KIAA0930: variants seen among roughly 807,000 people sequenced by gnomAD.
KIAA0930 encodes the protein KIAA0930, also known as uncharacterized protein KIAA0930.
Under a neutral mutation model 43.9 loss-of-function variants are expected in KIAA0930, and 24 were observed. The observed-to-expected ratio is 0.55, with a 90% CI of 0.40 to 0.77. The LOEUF (loss-of-function observed/expected upper bound fraction) is 0.77. Among genes scored for constraint, KIAA0930 ranks in the 30% least tolerant of loss-of-function variants. KIAA0930 has a pLI of 0.00. For missense variants in KIAA0930, 461 were observed against 574.2 expected (o/e 0.80, Z 2.02); for synonymous variants, 259 against 216.4 (o/e 1.20, Z -1.73).
Position 45,199,875 on chromosome 22 carries a change from C to G in KIAA0930, c.1013G>C (p.Gly338Ala). ...TAGGGCACGGAGTGGGGGGTCACCT[C>G]CACCGTCGTCCTCCCGGAAGAACTC... ...SEEFFREDDG[G>A]ADLHNATNLR... is the part of the protein sequence containing the mutation. Residue 338 changes from glycine (G) to alanine (A), a missense_variant and splice_region_variant, in exon 8 of 10, where the codon GGA becomes GCA. Transcript: ENST00000336156. 6.4e-7 allele frequency: 1 copy of G among 1,573,358 alleles called. No homozygotes were observed. The highest frequency in any genetic ancestry group is 8.7e-7 in the Non-Finnish European group (1 of 1,153,802).
At chr22:45,216,381 G>A (rs1353276618) in intron 1 of KIAA0930, among the ~76,000 whole-genome samples, 1 of 152,130 alleles carries the variant, frequency 6.6e-6, no homozygotes, top group African/African-American at 2.4e-5. Context: ...CTGGCTGCAC[G>A]GCTCCAGCTG....
At chr22:45,220,423 T>A (rs2083760445) in intron 1 of KIAA0930, among the ~76,000 whole-genome samples, 1 of 151,796 alleles carries the variant, frequency 6.6e-6, no homozygotes, top group Non-Finnish European at 1.5e-5. Context: ...CACTCCAGCC[T>A]GGCGACAGAG....
At chr22:45,198,245 C>T (rs2083555276) in intron 8 of KIAA0930, among the ~76,000 whole-genome samples, 1 of 152,252 alleles carries the variant, frequency 6.6e-6, no homozygotes, top group African/African-American at 2.4e-5. Context: ...CTGGCACACA[C>T]ACTGTGTAAT....
intron 1 of KIAA0930, among the ~76,000 whole-genome samples, chr22:45,217,636 A>G (rs548050299): frequency 6.6e-6 from 1 of 152,306 alleles, no homozygotes; most frequent in African/African-American, 2.4e-5. Context: ...TGTGAGACGG[A>G]GCATCGCCTT....
Position 45,203,111 on chromosome 22 carries a change from C to A in KIAA0930, c.731G>T (p.Arg244Leu). ...FYKYSNMEFV[R>L]MKGPQGKGHA... ...GCCCTTGCCCTGGGGGCCCTTCATGCGCACAAACTCCATGTTGCTGTACTT... is the reference window on the plus strand; with the variant it reads ...GCCCTTGCCCTGGGGGCCCTTCATGAGCACAAACTCCATGTTGCTGTACTT... Residue 244 changes from arginine (R) to leucine (L), a missense_variant, in exon 7 of 10, where the codon CGC becomes CTC. Physicochemically the swap from Arg to Leu is moderately radical, Grantham distance 102. Transcript: ENST00000336156. The A allele has an allele frequency of 6.8e-6, 11 of 1,613,754 alleles. No homozygotes were observed. Among genetic ancestry groups the A allele is most frequent in the Non-Finnish European group, 9.3e-6 (11 of 1,179,838 alleles).
At chr22:45,226,174 C>T (rs1353820080) in intron 1 of KIAA0930, 1 of 450,676 alleles carries the variant, frequency 2.2e-6, no homozygotes, top group South Asian at 1.6e-5. Flanking sequence ...GCAGGCAGAA[C>T]TTTATTCATG....
chr22:45,209,251 C>G (rs1327501544), intron 2 of KIAA0930, among the ~76,000 whole-genome samples: 2 of 152,158 alleles, frequency 1.3e-5, no homozygotes, highest in African/African-American at 4.8e-5. Flanking sequence ...CAGGCTCCCG[C>G]AGAGGACTTG....
intron 2 of KIAA0930, 47 bp from the exon 3 acceptor site, chr22:45,205,959 C>T (rs2083634512): frequency 1.2e-6 from 2 of 1,603,196 alleles, no homozygotes; most frequent in Non-Finnish European, 1.7e-6. Flanking sequence ...CACTGTGGTG[C>T]TCTTCTTCTT....
intron 1 of KIAA0930, among the ~76,000 whole-genome samples, chr22:45,231,461 ATG>A (rs1486764662): frequency 2.6e-5 from 4 of 152,080 alleles, no homozygotes; most frequent in Non-Finnish European, 5.9e-5. Flanking sequence ...TGTCCCAGCG[ATG>A]TGTGTGAACA....
intron 1 of KIAA0930, chr22:45,226,473 C>A: frequency 2.7e-6 from 1 of 372,726 alleles, no homozygotes; most frequent in South Asian, 2.0e-5. Flanking sequence ...ATAAAGCATC[C>A]TTTATCCTCC....
At chr22:45,212,973 T>C (rs762696139) in intron 1 of KIAA0930, among the ~76,000 whole-genome samples, 19 of 152,300 alleles carry the variant, frequency 1.2e-4, no homozygotes, top group Middle Eastern at 3.4e-3. Context: ...CTCTCTCTTA[T>C]CAACTCAGTA....
chr22:45,209,012 C>G (rs929932367), intron 2 of KIAA0930, among the ~76,000 whole-genome samples: 15 of 152,250 alleles, frequency 9.9e-5, no homozygotes, highest in African/African-American at 3.6e-4. Flanking sequence ...GCGTTTTGTC[C>G]AGGGCTGGAG....
intron 1 of KIAA0930, among the ~76,000 whole-genome samples, chr22:45,229,263 TGA>T (rs1198672664): frequency 6.4e-5 from 2 of 31,072 alleles, no homozygotes; most frequent in African/African-American, 5.4e-4. Flanking sequence ...ACCACTCACT[TGA>T]GAGATCCCTC....
chr22:45,219,442 C>T (rs2147754945), intron 1 of KIAA0930, among the ~76,000 whole-genome samples: 1 of 152,184 alleles, frequency 6.6e-6, no homozygotes, highest in South Asian at 2.1e-4. Context: ...AACCATTAAA[C>T]CACACAAGCA....
rs1434997950 is a variant in KIAA0930, at chr22:45,212,098, T to C, written c.74A>G (p.Lys25Arg). The change falls in exon 2 of 10, where the codon AAG becomes AGG. Residue 25 changes from lysine (K) to arginine (R), a missense_variant. Coordinates refer to ENST00000336156, the MANE Select transcript of KIAA0930 (RefSeq NM_001009880.2). The stretch of plus-strand genomic sequence containing the variant: ...AGTCCAGAAGACGATGCGGTCATCC[T>C]TGAAGCACCCTGCAGAGGGAGGCCA... ...RREVCGLGCF[K>R]DDRIVFWTWM... is the part of the protein sequence containing the mutation. The C allele has an allele frequency of 6.2e-7, 1 of 1,613,824 alleles. No homozygotes were observed. The highest frequency in any genetic ancestry group is 8.5e-7 in the Non-Finnish European group (1 of 1,179,958).
Position 45,192,981 on chromosome 22 carries a change from C to G in KIAA0930, c.*4195G>C, listed in dbSNP as rs917207908. The G allele has an allele frequency of 2.6e-5, 4 of 152,260 alleles. No individual in the cohort carries two copies. The highest frequency in any genetic ancestry group is 2.0e-4 in the Admixed American group (3 of 15,288). The allele number at this position is 152,260 out of a possible 1,614,324, so 9.4% of individuals were successfully genotyped here. ...CTCCCAGGGGTCATCTGCAGAGTCACGTGGCACTCTGGCCACTGCTGAAGA... is the reference window on the plus strand; with the variant it reads ...CTCCCAGGGGTCATCTGCAGAGTCAGGTGGCACTCTGGCCACTGCTGAAGA... On this transcript the variant is annotated 3_prime_UTR_variant, in exon 10 of 10. Coordinates refer to ENST00000336156, the MANE Select transcript of KIAA0930 (RefSeq NM_001009880.2).
Position 45,197,140 on chromosome 22 carries a change from G to C in KIAA0930, c.*36C>G. ...GCACTTGGCAGCACTCCGAGGGCTG[G>C]GCCCGGCCGGGGCTCTGCGCAGGCT... is the stretch of plus-strand genomic sequence containing the variant. On this transcript the variant is annotated 3_prime_UTR_variant, in exon 10 of 10. Transcript: ENST00000336156. 1 of 1,523,702 alleles carries C rather than the reference G, an allele frequency of 6.6e-7. No individual in the cohort carries two copies. The highest frequency in any genetic ancestry group is 8.8e-7 in the Non-Finnish European group (1 of 1,130,826). 94.4% of individuals were successfully genotyped at this position (1,523,702 alleles called of 1,614,324 possible).
In KIAA0930 at chr22:45,212,056, T is replaced by C. The variant is rs1282951465; in HGVS notation, c.116A>G (p.Tyr39Cys). The C allele has an allele frequency of 1.9e-6, 3 of 1,613,620 alleles. No individual in the cohort carries two copies. The highest frequency in any genetic ancestry group is 2.5e-6 in the Non-Finnish European group (3 of 1,179,968). ...CCGGGGAGCCCATTTCTCCATGAAG[T>C]AGGTGGAGAACATCCAAGTCCAGAA... is the stretch of plus-strand genomic sequence containing the variant. Reference protein sequence around the residue: ...IVFWTWMFSTYFMEKWAPRQD... With the variant: ...IVFWTWMFSTCFMEKWAPRQD... The change falls in exon 2 of 10, where the codon TAC becomes TGC. Residue 39 changes from tyrosine to cysteine, a missense_variant. Tyr to Cys is a radical substitution (Grantham distance 194). Transcript: ENST00000336156.
rs1569071256 is a variant in KIAA0930 at position 45,199,977 on chromosome 22, GAGA to G, written c.908_910del (p.Phe303del). The stretch of plus-strand genomic sequence containing the variant: ...GGGCACCTTCCTCTTGAGGGATGGG[GAGA>G]AGAAGGCAGGCCGGTTGTTCCGTTC... On this transcript the variant is annotated inframe_deletion, in exon 8 of 10. Transcript: ENST00000336156. The G allele has an allele frequency of 5.6e-6, 9 of 1,609,390 alleles. No individual in the cohort carries two copies. The highest frequency in any genetic ancestry group is 7.6e-6 in the Non-Finnish European group (9 of 1,177,664).
Sources: allele counts gnomAD v4.1 joint callset (sites outside exome capture counted in the v4.1 genomes callset), GRCh38; gene constraint gnomAD v4.1.1; transcripts MANE v1.5; gene names NCBI Gene and HGNC (gene_info 2026-07-23, HGNC 2026-07-21).